GTF2B: variants seen among roughly 807,000 people sequenced by gnomAD.
GTF2B encodes transcription initiation factor IIB.
GTF2B carries 20 observed loss-of-function variants against 34.6 expected under a neutral mutation model. The ratio of observed to expected loss-of-function variants is 0.58; its 90% confidence interval spans 0.41 to 0.84. GTF2B has a LOEUF of 0.84. Among genes scored for constraint, GTF2B ranks in the 40% least tolerant of loss-of-function variants. GTF2B has a pLI of 0.00. For missense variants in GTF2B, 237 were observed against 393.3 expected, an observed-to-expected ratio of 0.60 and a Z score of 3.36; for synonymous variants, 142 against 132.4, an observed-to-expected ratio of 1.07 and a Z score of -0.50.
Position 88,864,777 on chromosome 1 carries a change from G to A in GTF2B, c.125-663C>T, listed in dbSNP as rs192707979. Among the ~76,000 whole-genome samples, 422 of 152,280 alleles carry A rather than the reference G, an allele frequency of 2.8e-3. 2 individuals are homozygous for A. Among genetic ancestry groups the A allele is most frequent in the African/African-American group, 9.6e-3 (397 of 41,564 alleles). Reference sequence around the variant, plus strand: ...GTTTTGGTGAGAAAGCTCAATGTCTGGCAATACCTTCAGAGTAGACAAAAG... The same window carrying A: ...GTTTTGGTGAGAAAGCTCAATGTCTAGCAATACCTTCAGAGTAGACAAAAG... On this transcript the variant is annotated intron_variant, in intron 2 of 6. Coordinates refer to ENST00000370500, the MANE Select transcript of GTF2B (RefSeq NM_001514.6).
chr1:88,863,153 TATACA>T (rs548918252), intron 3 of GTF2B, among the ~76,000 whole-genome samples: 32 of 152,270 alleles, frequency 2.1e-4, no homozygotes, highest in African/African-American at 7.0e-4. Flanking sequence ...GAGCACACAG[TATACA>T]ATACATGTTA....
chr1:88,891,217 G>A (rs910199417), intron 1 of GTF2B, among the ~76,000 whole-genome samples: 3 of 151,870 alleles, frequency 2.0e-5, no homozygotes, highest in African/African-American at 4.8e-5. Flanking sequence ...GGCAAGGACT[G>A]GGGACACAGT....
At chr1:88,869,929 AC>A (rs1298110643) in intron 2 of GTF2B, among the ~76,000 whole-genome samples, 3 of 146,990 alleles carry the variant, frequency 2.0e-5, no homozygotes, top group African/African-American at 7.5e-5. Context: ...AGCCAAAATG[AC>A]TTTTTTTTTT....
At chr1:88,856,318 C>T (rs1033295797) in intron 6 of GTF2B, among the ~76,000 whole-genome samples, 9 of 131,808 alleles carry the variant, frequency 6.8e-5, no homozygotes, top group African/African-American at 2.4e-4. Flanking sequence ...AAGAAATTCA[C>T]TTAATACTTC....
intron 2 of GTF2B, among the ~76,000 whole-genome samples, chr1:88,881,008 CA>C (rs57528139): frequency 0.4 from 36,905 of 92,566 alleles, 5,155 homozygotes; most frequent in East Asian, 0.5. Flanking sequence ...GATGCTGTCT[CA>C]AAAAAAAAAA....
At chr1:88,854,490 G>A (rs1050302780) in intron 6 of GTF2B, among the ~76,000 whole-genome samples, 1 of 152,152 alleles carries the variant, frequency 6.6e-6, no homozygotes, top group Non-Finnish European at 1.5e-5. Flanking sequence ...TATTAAAATG[G>A]ATTTTTAAGC....
chr1:88,862,630 T>C (rs1673463630), intron 3 of GTF2B, among the ~76,000 whole-genome samples: 2 of 152,118 alleles, frequency 1.3e-5, no homozygotes, highest in Admixed American at 6.5e-5. Context: ...GGAGGACTGC[T>C]GAAGACCAGG....
rs144063995 is a variant in GTF2B at position 88,877,925 on chromosome 1, G to A, written c.124+9336C>T. 5.3e-3 allele frequency among the ~76,000 whole-genome samples: 803 copies of A among 151,298 alleles called. 6 individuals carry two copies. Among genetic ancestry groups the A allele is most frequent in the Middle Eastern group, 0.021 (6 of 292 alleles). ...CTGCCTGGGCGACAGAGCGAGACTC[G>A]GTCTCAAAAACAAAACAAACAAACA... On this transcript the variant is annotated intron_variant, in intron 2 of 6. Coordinates refer to ENST00000370500, the MANE Select transcript of GTF2B (RefSeq NM_001514.6).
intron 6 of GTF2B, among the ~76,000 whole-genome samples, chr1:88,854,549 C>G (rs1235506468): frequency 6.6e-6 from 1 of 152,190 alleles, no homozygotes; most frequent in African/African-American, 2.4e-5. Flanking sequence ...GTCACCCAGG[C>G]TGGAGTGCAA....
intron 2 of GTF2B, among the ~76,000 whole-genome samples, chr1:88,865,603 C>T (rs1284877115): frequency 9.2e-5 from 14 of 152,140 alleles, no homozygotes; most frequent in Non-Finnish European, 1.9e-4. Context: ...TGCCTGTAAT[C>T]CCAGCACTTT....
intron 2 of GTF2B, among the ~76,000 whole-genome samples, chr1:88,874,713 G>T (rs990627200): frequency 2.0e-5 from 3 of 151,774 alleles, no homozygotes; most frequent in African/African-American, 7.3e-5. Context: ...TGTCTTCCTG[G>T]AAACTAATCT....
At chr1:88,889,933 A>C (rs544937495) in intron 1 of GTF2B, among the ~76,000 whole-genome samples, 1 of 152,282 alleles carries the variant, frequency 6.6e-6, no homozygotes, top group East Asian at 1.9e-4. Flanking sequence ...CCAGCTACTC[A>C]GAAGGCTGAG....
rs74815618 is a variant in GTF2B, at chr1:88,855,929, T to C, written c.817+1277A>G. Reference sequence around the variant, plus strand: ...CATGCATTTGTTCATGAATAACTTCTGTAATCCTCAAAGACTTAGAAAGGA... The same window carrying C: ...CATGCATTTGTTCATGAATAACTTCCGTAATCCTCAAAGACTTAGAAAGGA... On this transcript the variant is annotated intron_variant, in intron 6 of 6. Coordinates refer to ENST00000370500, the MANE Select transcript of GTF2B (RefSeq NM_001514.6). 6.2e-3 allele frequency among the ~76,000 whole-genome samples: 952 copies of C among 152,352 alleles called. 12 individuals are homozygous for C. In the South Asian group the frequency reaches 0.067, roughly 11 times the overall value.
intron 6 of GTF2B, among the ~76,000 whole-genome samples, chr1:88,855,847 G>C (rs1673291416): frequency 6.6e-6 from 1 of 152,128 alleles, no homozygotes; most frequent in Non-Finnish European, 1.5e-5. Context: ...GTAGAGACAG[G>C]GTTTTGCCAT....
intron 6 of GTF2B, among the ~76,000 whole-genome samples, chr1:88,855,281 A>G (rs559997744): frequency 3.4e-4 from 52 of 152,166 alleles, no homozygotes; most frequent in African/African-American, 1.2e-3. Flanking sequence ...ACTTTTTTCA[A>G]CATATAGCCT....
chr1:88,860,316 A>AT, intron 3 of GTF2B, 30 bp from the exon 4 acceptor site: 1 of 1,569,278 alleles, frequency 6.4e-7, no homozygotes, highest in South Asian at 1.2e-5. Flanking sequence ...CTATGAAAAA[A>AT]TTTTTTGGAA....
At position 88,881,596 on chromosome 1, in the gene GTF2B, G is replaced by A. The variant is rs114152695; in HGVS notation, c.124+5665C>T. Among the ~76,000 whole-genome samples, 547 of 152,180 alleles carry A rather than the reference G, an allele frequency of 3.6e-3. 1 individual carries two copies. The highest frequency in any genetic ancestry group is 0.012 in the African/African-American group (509 of 41,516). ...TCTACACCTGCCCTTGTTTGGTAATGGAATGGATTCTTCGCTTACAAGATA... is the reference window on the plus strand; with the variant it reads ...TCTACACCTGCCCTTGTTTGGTAATAGAATGGATTCTTCGCTTACAAGATA... On this transcript the variant is annotated intron_variant, in intron 2 of 6. Coordinates refer to ENST00000370500, the MANE Select transcript of GTF2B (RefSeq NM_001514.6).
intron 2 of GTF2B, among the ~76,000 whole-genome samples, chr1:88,872,919 T>A (rs1055378209): frequency 1.3e-5 from 2 of 152,230 alleles, no homozygotes; most frequent in African/African-American, 4.8e-5. Context: ...TGTAACTTTC[T>A]CTGAGTAATT....
intron 1 of GTF2B, among the ~76,000 whole-genome samples, chr1:88,891,033 G>C (rs1330338179): frequency 6.9e-6 from 1 of 144,592 alleles, no homozygotes; most frequent in Non-Finnish European, 1.5e-5. Flanking sequence ...AGATCGATAG[G>C]AACCTGAAAC....
Sources: gnomAD v4.1 joint callset for allele counts (sites outside exome capture counted in the v4.1 genomes callset) on GRCh38, gnomAD v4.1.1 for gene constraint, MANE v1.5 for transcripts, NCBI Gene and HGNC (gene_info 2026-07-23, HGNC 2026-07-21) for gene names.